The following DPP10 variants were observed in gnomAD, a reference collection of about 807,000 sequenced individuals.
DPP10 encodes the protein inactive dipeptidyl peptidase 10.
In DPP10, 33 loss-of-function variants were observed where a neutral mutation model predicts 120.9. The observed-to-expected ratio is 0.27, with a 90% confidence interval of 0.21 to 0.37. The LOEUF is 0.37. Among genes scored for constraint, DPP10 ranks in the 10% least tolerant of loss-of-function variants. The pLI is 1.00. For missense variants in DPP10, 816 were observed against 942.8 expected, an observed-to-expected ratio of 0.87 and a Z score of 1.76; for synonymous variants, 337 against 326.1, an observed-to-expected ratio of 1.03 and a Z score of -0.36.
At chr2:115,136,162 C>T (rs1160730598) in intron 1 of DPP10, among the ~76,000 whole-genome samples, 1 of 62,218 alleles carries the variant, frequency 1.6e-5, no homozygotes, top group East Asian at 2.3e-3. Context: ...CTGGTTTATG[C>T]TGAAAAAAAA....
chr2:114,650,376 TG>T (rs1342605658), intron 1 of DPP10, among the ~76,000 whole-genome samples: 2 of 152,176 alleles, frequency 1.3e-5, no homozygotes, highest in East Asian at 3.9e-4. Flanking sequence ...TTTGCTTTTA[TG>T]GTACCAAGAA....
At chr2:115,426,434 AC>A (rs1158332347) in intron 3 of DPP10, among the ~76,000 whole-genome samples, 5 of 51,412 alleles carry the variant, frequency 9.7e-5, no homozygotes, top group Admixed American at 9.2e-4. Flanking sequence ...ACCAGGTGCC[AC>A]CTCCGACGCT....
chr2:114,466,131 C>T (rs528602018), intron 1 of DPP10, among the ~76,000 whole-genome samples: 1 of 152,152 alleles, frequency 6.6e-6, no homozygotes, highest in East Asian at 1.9e-4. Context: ...TTAAAAATCC[C>T]ATATGATTTA....
Position 114,841,098 on chromosome 2 carries a change from C to T in DPP10, c.60+398260C>T, listed in dbSNP as rs1387393828. On this transcript the variant is annotated intron_variant, in intron 1 of 25. Coordinates refer to ENST00000410059, the MANE Select transcript of DPP10 (RefSeq NM_020868.6). ...TGAATATGTATTATGTTTTTTAAAC[C>T]ACATTGAATTTAAGTAATTGCTTAT... Among the ~76,000 whole-genome samples, 3 of 152,014 alleles carry T rather than the reference C, an allele frequency of 2.0e-5. No individual in the cohort carries two copies. In the South Asian group the frequency reaches 6.2e-4, roughly 31 times the overall value.
intron 1 of DPP10, among the ~76,000 whole-genome samples, chr2:114,742,180 CAT>C (rs1437975698): frequency 4.6e-5 from 7 of 151,976 alleles, no homozygotes; most frequent in South Asian, 2.1e-4. Context: ...TGCAAAGAAA[CAT>C]ATAAAACTAG....
chr2:115,008,402 C>A, intron 1 of DPP10, among the ~76,000 whole-genome samples: 2 of 118,582 alleles, frequency 1.7e-5, no homozygotes, highest in Non-Finnish European at 1.8e-5. Flanking sequence ...TGGATCCCTT[C>A]CTTACACCTT....
chr2:115,379,003 C>G (rs1439156107), intron 3 of DPP10, among the ~76,000 whole-genome samples: 1 of 152,174 alleles, frequency 6.6e-6, no homozygotes, highest in African/African-American at 2.4e-5. Flanking sequence ...GGATATTGGT[C>G]TAACATTCTC....
chr2:115,095,976 T>G (rs907277425), intron 1 of DPP10, among the ~76,000 whole-genome samples: 6 of 152,268 alleles, frequency 3.9e-5, no homozygotes, highest in Non-Finnish European at 8.8e-5. Context: ...AGGGTGAAGA[T>G]GTGTTACTTA....
In DPP10 at chr2:114,591,074, T is replaced by C. The variant is rs181089617; in HGVS notation, c.60+148236T>C. On this transcript the variant is annotated intron_variant, in intron 1 of 25. Transcript: ENST00000410059. The stretch of plus-strand genomic sequence containing the variant: ...GCCAGCCAGGCAACACTGGGAGGTG[T>C]AGTGAGGGGACATCCCATGCAGAGC... Among the ~76,000 whole-genome samples the C allele has an allele frequency of 9.2e-5, 14 of 152,130 alleles. No individual in the cohort carries two copies. In the East Asian group the frequency reaches 2.7e-3, roughly 30 times the overall value.
At position 115,381,433 on chromosome 2, in the gene DPP10, T is replaced by C. The variant is rs1170543315; in HGVS notation, c.271+37521T>C. Among the ~76,000 whole-genome samples the C allele has an allele frequency of 2.0e-5, 3 of 152,176 alleles. No homozygotes were observed. In the East Asian group the frequency reaches 5.8e-4, roughly 29 times the overall value. ...TCCTTTAAGCACTTCTCTGTATTGG[T>C]TATTCTAGTTATACATTCTTCTAAA... On this transcript the variant is annotated intron_variant, in intron 3 of 25. Coordinates refer to ENST00000410059, the MANE Select transcript of DPP10 (RefSeq NM_020868.6).
intron 21 of DPP10, among the ~76,000 whole-genome samples, chr2:115,826,673 A>T (rs1208177743): frequency 6.6e-6 from 1 of 152,184 alleles, no homozygotes; most frequent in Non-Finnish European, 1.5e-5. Flanking sequence ...GTGAACAAAG[A>T]TCATGCCACT....
At position 115,127,885 on chromosome 2, in the gene DPP10, G is replaced by A. The variant is rs114806594; in HGVS notation, c.61-181354G>A. ...AAGTGGCAAAGGATATACTCCCTAT[G>A]TCAACTCATTATACCTAGTTCATGC... On this transcript the variant is annotated intron_variant, in intron 1 of 25. Coordinates refer to ENST00000410059, the MANE Select transcript of DPP10 (RefSeq NM_020868.6). Among the ~76,000 whole-genome samples the A allele has an allele frequency of 4.3e-3, 659 of 152,186 alleles. 4 individuals are homozygous for A. Among genetic ancestry groups the A allele is most frequent in the African/African-American group, 0.015 (638 of 41,524 alleles).
At chr2:115,782,486 T>A (rs1321793246) in intron 17 of DPP10, 87 bp downstream of exon 17, 2 of 1,276,196 alleles carry the variant, frequency 1.6e-6, no homozygotes, top group Non-Finnish European at 2.2e-6. Context: ...ATATCCTCTA[T>A]AAATTCTTCT....
rs192861852 is a variant in DPP10 at position 115,238,731 on chromosome 2, T to G, written c.61-70508T>G. Among the ~76,000 whole-genome samples the G allele has an allele frequency of 5.3e-5, 8 of 152,338 alleles. No individual in the cohort carries two copies. The East Asian group carries it at 1.5e-3, about 29-fold the overall frequency. On this transcript the variant is annotated intron_variant, in intron 1 of 25. Transcript: ENST00000410059. ...CCAGTAAATACGATGTGAACATTGT[T>G]GAAATGACAGCAAAGGATTTAGAAT...
intron 7 of DPP10, among the ~76,000 whole-genome samples, chr2:115,703,092 G>A (rs910226552): frequency 2.0e-5 from 3 of 151,830 alleles, no homozygotes; most frequent in Non-Finnish European, 4.4e-5. Context: ...TCAAAAATCA[G>A]GTGAAGGGAT....
intron 7 of DPP10, among the ~76,000 whole-genome samples, chr2:115,718,975 C>T (rs2092575715): frequency 6.6e-6 from 1 of 152,008 alleles, no homozygotes; most frequent in Non-Finnish European, 1.5e-5. Flanking sequence ...ATATTGATAA[C>T]TGTTTGTCTC....
intron 7 of DPP10, among the ~76,000 whole-genome samples, chr2:115,719,821 T>C (rs2092599912): frequency 6.6e-6 from 1 of 152,150 alleles, no homozygotes; most frequent in African/African-American, 2.4e-5. Context: ...CTGATCCTCG[T>C]GAACACTTCC....
At chr2:114,721,138 C>G (rs2105905739) in intron 1 of DPP10, among the ~76,000 whole-genome samples, 1 of 152,354 alleles carries the variant, frequency 6.6e-6, no homozygotes. Flanking sequence ...TATGCTCTGA[C>G]TTCTTCAAGC....
intron 1 of DPP10, among the ~76,000 whole-genome samples, chr2:114,660,739 A>T (rs1310461583): frequency 6.6e-6 from 1 of 152,228 alleles, no homozygotes; most frequent in African/African-American, 2.4e-5. Flanking sequence ...GTTATAAAGA[A>T]TCCAAATAAT....
Sources: gnomAD v4.1 joint callset for allele counts (sites outside exome capture counted in the v4.1 genomes callset) on GRCh38, gnomAD v4.1.1 for gene constraint, MANE v1.5 for transcripts, NCBI Gene and HGNC (gene_info 2026-07-23, HGNC 2026-07-21) for gene names.